Variants in TRPS1 observed in about 807,000 individuals in gnomAD.
TRPS1 encodes the protein zinc finger transcription factor Trps1.
TRPS1 carries 6 observed loss-of-function variants against 101.2 expected under a neutral mutation model. That is an observed-to-expected ratio of 0.06 (90% CI 0.03 to 0.12). The LOEUF (loss-of-function observed/expected upper bound fraction) is 0.12, where lower values mean the gene tolerates loss of function less well. Ranked by LOEUF, TRPS1 falls within the 10% of genes least tolerant of loss-of-function variation. TRPS1 has a pLI of 1.00. For missense variants in TRPS1, 1,363 were observed against 1,567.0 expected (o/e 0.87, Z 2.20); for synonymous variants, 578 against 589.8 (o/e 0.98, Z 0.29).
chr8:115,459,304 A>G (rs559754623), intron 5 of TRPS1, among the ~76,000 whole-genome samples: 3 of 150,962 alleles, frequency 2.0e-5, no homozygotes, highest in Admixed American at 2.0e-4. Flanking sequence ...AGCCCAGGCA[A>G]CAGAGCAAGA....
chr8:115,482,252 T>C (rs1386970679), intron 5 of TRPS1, among the ~76,000 whole-genome samples: 1 of 152,210 alleles, frequency 6.6e-6, no homozygotes, highest in Admixed American at 6.5e-5. Flanking sequence ...AATATGTGTA[T>C]GTTTAGTTGT....
intron 5 of TRPS1, among the ~76,000 whole-genome samples, chr8:115,578,163 T>C (rs1336048467): frequency 6.6e-6 from 1 of 152,216 alleles, no homozygotes; most frequent in Non-Finnish European, 1.5e-5. Context: ...ATTCCATATA[T>C]GTGATAAAAT....
chr8:115,422,853 C>T (rs925467482), intron 5 of TRPS1, among the ~76,000 whole-genome samples: 1 of 152,154 alleles, frequency 6.6e-6, no homozygotes, highest in African/African-American at 2.4e-5. Flanking sequence ...CCTCCATCAC[C>T]TCGTGCCTGA....
At chr8:115,622,291 G>A (rs868700723) in intron 2 of TRPS1, among the ~76,000 whole-genome samples, 1 of 151,996 alleles carries the variant, frequency 6.6e-6, no homozygotes, top group Non-Finnish European at 1.5e-5. Flanking sequence ...TCTTTTGTCA[G>A]AAGTGACTAA....
rs1395362589 is a variant in TRPS1 at position 115,414,701 on chromosome 8, A to C, written c.3207T>G (p.Ser1069=). The C allele has an allele frequency of 1.9e-6, 3 of 1,614,030 alleles. No individual in the cohort carries two copies. The highest frequency in any genetic ancestry group is 2.5e-6 in the Non-Finnish European group (3 of 1,179,962). The part of the protein sequence containing the change: ...TGDPGNSSSV[S]EGKGSSERGS... The stretch of plus-strand genomic sequence containing the variant: ...CTCTCTCAGAACTTCCTTTCCCTTC[A>C]GATACGGATGAACTATTTCCTGGAT... The change falls in exon 7 of 7, where the codon TCT becomes TCG. Residue 1069 remains serine (S), a synonymous_variant. Transcript: ENST00000395715. The surrounding 1 kb of genome is among the most constrained non-coding windows in gnomAD (Gnocchi z 4.8).
At chr8:115,459,674 G>C (rs369906473) in intron 5 of TRPS1, among the ~76,000 whole-genome samples, 183 of 152,240 alleles carry the variant, frequency 1.2e-3, no homozygotes, top group Middle Eastern at 6.8e-3. Context: ...GTGAACATGT[G>C]CTTAGGTGTG....
At chr8:115,630,348 A>AT (rs1181852829) in intron 1 of TRPS1, among the ~76,000 whole-genome samples, 1 of 151,910 alleles carries the variant, frequency 6.6e-6, no homozygotes, top group Non-Finnish European at 1.5e-5. Flanking sequence ...TAAACTTAAG[A>AT]ATCTATCTAA....
intron 5 of TRPS1, among the ~76,000 whole-genome samples, chr8:115,502,398 A>G (rs1815340106): frequency 6.6e-6 from 1 of 152,164 alleles, no homozygotes. Context: ...CCAATTATCA[A>G]TTCCCTCCCC....
intron 5 of TRPS1, among the ~76,000 whole-genome samples, chr8:115,490,669 A>C (rs552179822): frequency 6.6e-6 from 1 of 152,260 alleles, no homozygotes; most frequent in East Asian, 1.9e-4. Context: ...TAACATTCAC[A>C]GGTGTATCAG....
chr8:115,419,986 ATAACT>A, intron 5 of TRPS1, among the ~76,000 whole-genome samples: 1 of 152,360 alleles, frequency 6.6e-6, no homozygotes, highest in East Asian at 1.9e-4. Flanking sequence ...AATGAGAGCA[ATAACT>A]TAACAAGATT....
chr8:115,632,472 G>A lies in TRPS1; in HGVS notation c.-121-8714C>T, dbSNP rs566247261. 5.9e-5 allele frequency among the ~76,000 whole-genome samples: 9 copies of A among 151,974 alleles called. No homozygotes were observed. The South Asian group carries it at 1.2e-3, about 21-fold the overall frequency. ...AACCAGAAGTTTAATTTTAAAATGCGCGTACACACACAAACACACGTGCAC... is the reference window on the plus strand; with the variant it reads ...AACCAGAAGTTTAATTTTAAAATGCACGTACACACACAAACACACGTGCAC... On this transcript the variant is annotated intron_variant, in intron 1 of 6. Coordinates refer to ENST00000395715, the MANE Select transcript of TRPS1 (RefSeq NM_014112.5).
chr8:115,641,052 T>A (rs1818883947), intron 1 of TRPS1, among the ~76,000 whole-genome samples: 1 of 152,202 alleles, frequency 6.6e-6, no homozygotes, highest in Admixed American at 6.5e-5. Context: ...TGTTTTGGAA[T>A]ATAACTTAAA....
intron 4 of TRPS1, among the ~76,000 whole-genome samples, chr8:115,603,052 C>T (rs367739801): frequency 6.6e-6 from 1 of 152,164 alleles, no homozygotes; most frequent in Non-Finnish European, 1.5e-5. Flanking sequence ...CATGAGGGCA[C>T]TGACTATGTC....
At chr8:115,560,695 T>A (rs1045243755) in intron 5 of TRPS1, among the ~76,000 whole-genome samples, 3 of 152,104 alleles carry the variant, frequency 2.0e-5, no homozygotes, top group African/African-American at 4.8e-5. Flanking sequence ...CTGGACTGGA[T>A]GAATGGCCTG....
At position 115,450,459 on chromosome 8, in the gene TRPS1, A is replaced by T. The variant is rs906707618; in HGVS notation, c.2701-32007T>A. 2.0e-5 allele frequency among the ~76,000 whole-genome samples: 3 copies of T among 152,164 alleles called. No individual in the cohort carries two copies. In the South Asian group the frequency reaches 6.2e-4, roughly 32 times the overall value. ...TTCCAAAAATTAGATAATACAATAA[A>T]GCGCCAATGATTTTGTGAGGACCAC... On this transcript the variant is annotated intron_variant, in intron 5 of 6. Coordinates refer to ENST00000395715, the MANE Select transcript of TRPS1 (RefSeq NM_014112.5).
chr8:115,420,481 T>C (rs182273706), intron 5 of TRPS1, among the ~76,000 whole-genome samples: 1 of 152,340 alleles, frequency 6.6e-6, no homozygotes, highest in Admixed American at 6.5e-5. Context: ...TAAATGTCCA[T>C]TTGGAAATTA....
chr8:115,632,251 A>G (rs1174147438), intron 1 of TRPS1, among the ~76,000 whole-genome samples: 1 of 152,082 alleles, frequency 6.6e-6, no homozygotes, highest in Non-Finnish European at 1.5e-5. Context: ...ATATATACAT[A>G]TGTTTTATTT....
At chr8:115,665,230 T>A (rs1811893429) in intron 1 of TRPS1, among the ~76,000 whole-genome samples, 2 of 152,198 alleles carry the variant, frequency 1.3e-5, no homozygotes, top group African/African-American at 4.8e-5. Context: ...CTCTGGAAAC[T>A]TTCAGTAATG....
At chr8:115,569,619 C>CTCT in intron 5 of TRPS1, among the ~76,000 whole-genome samples, 1 of 152,172 alleles carries the variant, frequency 6.6e-6, no homozygotes, top group East Asian at 1.9e-4. Context: ...TAGTATCTTT[C>CTCT]TCTTCTTCTT....
Sources: allele counts gnomAD v4.1 joint callset (sites outside exome capture counted in the v4.1 genomes callset), GRCh38; gene constraint gnomAD v4.1.1; non-coding constraint Gnocchi (gnomAD v3.1); transcripts MANE v1.5; gene names NCBI Gene and HGNC (gene_info 2026-07-23, HGNC 2026-07-21).